Variants in ACOT9 observed in about 807,000 individuals in gnomAD.
ACOT9 encodes acyl-coenzyme A thioesterase 9, mitochondrial.
ACOT9 carries 34 observed loss-of-function variants against 39.7 expected under a neutral mutation model. That is an observed-to-expected ratio of 0.86 (90% CI 0.65 to 1.14). The LOEUF (loss-of-function observed/expected upper bound fraction) is 1.14. ACOT9 is among the 50% of genes most tolerant of loss of function. The pLI, the probability that ACOT9 is intolerant of heterozygous loss-of-function variation, is 0.00. For synonymous variants in ACOT9, 110 were observed against 120.5 expected (o/e 0.91, Z 0.57); for missense variants, 313 against 344.1 (o/e 0.91, Z 0.71).
chrX:23,740,590 T>G (rs911593444), intron 1 of ACOT9, among the ~76,000 whole-genome samples: 1 of 109,035 alleles, frequency 9.2e-6, no homozygotes, highest in Non-Finnish European at 1.9e-5. Flanking sequence ...ATTTGAAGAT[T>G]CTGATTCAAA....
At chrX:23,711,365 T>C (rs1346800411) in intron 9 of ACOT9, among the ~76,000 whole-genome samples, 1 of 111,080 alleles carries the variant, frequency 9.0e-6, no homozygotes, top group African/African-American at 3.3e-5. Context: ...TTTAAAAACA[T>C]GATACTTTTC....
rs182038685 is a variant in ACOT9 at position 23,713,637 on chromosome X, G to A, written c.589-429C>T. ...AAGAGAAGCACTCTCATTAACCACC[G>A]TCTGCTAAGGGCCTACCCTGAGCCA... On this transcript the variant is annotated intron_variant, in intron 8 of 15. Coordinates refer to ENST00000379303, the MANE Select transcript of ACOT9 (RefSeq NM_001037171.2). Among the ~76,000 whole-genome samples, 248 of 109,429 alleles carry A rather than the reference G, an allele frequency of 2.3e-3. 1 individual carries two copies. The highest frequency in any genetic ancestry group is 7.6e-3 in the African/African-American group (230 of 30,176).
Position 23,704,778 on chromosome X carries a change from T to C in ACOT9, c.1174A>G (p.Lys392Glu). 4 of 1,210,735 alleles carry C rather than the reference T, an allele frequency of 3.3e-6. No homozygotes were observed. Among genetic ancestry groups the C allele is most frequent in the Non-Finnish European group, 4.5e-6 (4 of 894,504 alleles). The change falls in exon 15 of 16, where the codon AAG (lysine) becomes GAG (glutamate). Residue 392 changes from lysine (K) to glutamate (E), a missense_variant. Coordinates refer to ENST00000379303, the MANE Select transcript of ACOT9 (RefSeq NM_001037171.2). ...AAGACATTGGTGGTTGTATGCTGCTTCTCCTGCAGGGAGGCCACTTCACTG... is the reference window on the plus strand; with the variant it reads ...AAGACATTGGTGGTTGTATGCTGCTCCTCCTGCAGGGAGGCCACTTCACTG... ...VHSEVASLQE[K>E]QHTTTNVFHF...
rs969172104 is a variant in ACOT9 at position 23,728,209 on chromosome X, G to T, written c.400+2318C>A. On this transcript the variant is annotated intron_variant, in intron 6 of 15. Transcript: ENST00000379303. ...AACCATTCAGCCCAAATATCATTAG[G>T]TGGGAGCAAGTAAGGTAACCTAGAG... Among the ~76,000 whole-genome samples the T allele has an allele frequency of 1.5e-4, 17 of 110,960 alleles. No homozygotes were observed. The Admixed American group carries it at 1.7e-3, about 11-fold the overall frequency.
At chrX:23,734,060 C>T (rs1027487519) in intron 3 of ACOT9, among the ~76,000 whole-genome samples, 1 of 111,693 alleles carries the variant, frequency 9.0e-6, no homozygotes, top group Non-Finnish European at 1.9e-5. Flanking sequence ...TGCGCCTGGC[C>T]CCCACCTATC....
At chrX:23,742,821 C>T (rs1375537850) in intron 1 of ACOT9, among the ~76,000 whole-genome samples, 1 of 112,628 alleles carries the variant, frequency 8.9e-6, no homozygotes, top group Admixed American at 9.4e-5. Context: ...ACCAACCACA[C>T]CCCGGATGAG....
chrX:23,717,532 T>C (rs1351574009), intron 8 of ACOT9, among the ~76,000 whole-genome samples: 2 of 111,072 alleles, frequency 1.8e-5, no homozygotes, highest in African/African-American at 6.5e-5. Flanking sequence ...GGAGAAAGAA[T>C]TCTGGTGAGT....
At chrX:23,730,092 ATT>A (rs34896210) in intron 6 of ACOT9, among the ~76,000 whole-genome samples, 3 of 78,491 alleles carry the variant, frequency 3.8e-5, no homozygotes, top group Admixed American at 1.7e-4. Context: ...AGTAGATGCC[ATT>A]TTTTTTTTTT....
chrX:23,715,757 G>T (rs1929053511), intron 8 of ACOT9, among the ~76,000 whole-genome samples: 1 of 111,889 alleles, frequency 8.9e-6, no homozygotes, highest in African/African-American at 3.2e-5. Context: ...TTTTCCCCCA[G>T]TTATATCCCT....
At chrX:23,732,572 T>C (rs1279242460) in intron 4 of ACOT9, among the ~76,000 whole-genome samples, 1 of 112,093 alleles carries the variant, frequency 8.9e-6, no homozygotes, top group Non-Finnish European at 1.9e-5. Flanking sequence ...AAATAAGTCA[T>C]TAGATAATTT....
In ACOT9 at chrX:23,702,884, C is replaced by T. The variant is rs1928528714; in HGVS notation, c.*1010G>A. Reference sequence around the variant, plus strand: ...TGCCTATCTAGCACATGGCAATGCTCCATAAGCATAAGCAGCTATTATTAT... The same window carrying T: ...TGCCTATCTAGCACATGGCAATGCTTCATAAGCATAAGCAGCTATTATTAT... On this transcript the variant is annotated 3_prime_UTR_variant, in exon 16 of 16. Transcript: ENST00000379303. 1 of 112,019 alleles carries T rather than the reference C, an allele frequency of 8.9e-6. No individual in the cohort carries two copies. Among genetic ancestry groups the T allele is most frequent in the African/African-American group, 3.2e-5 (1 of 30,808 alleles). 9.2% of individuals were successfully genotyped at this position (112,019 alleles called of 1,213,427 possible). A position where few individuals can be genotyped will look rare whatever the true frequency, so the allele number is the denominator to read the frequency against.
intron 9 of ACOT9, among the ~76,000 whole-genome samples, 159 bp downstream of exon 9, chrX:23,712,976 T>C (rs1475010646): frequency 8.9e-6 from 1 of 112,462 alleles, no homozygotes; most frequent in Non-Finnish European, 1.9e-5. Flanking sequence ...TGAAATGTCA[T>C]GTCTGGGATT....
chrX:23,724,206 T>C (rs1490266095), intron 6 of ACOT9, among the ~76,000 whole-genome samples: 1 of 110,609 alleles, frequency 9.0e-6, no homozygotes, highest in Non-Finnish European at 1.9e-5. Context: ...AGACTGTAGT[T>C]AGCCATGATC....
At position 23,722,716 on chromosome X, in the gene ACOT9, G is replaced by A. The variant is rs1485493076; in HGVS notation, c.438C>T (p.Ala146=). ...ICYMHNKIHS[A]KMSPLSIVTA... is the part of the protein sequence containing the mutation. ...TAACTATCGATAAAGGAGACATCTT[G>A]GCGGAGTGGATTTTGTTGTGCATGT... The change falls in exon 7 of 16, where the codon GCC becomes GCT. Residue 146 remains alanine (A), a synonymous_variant. Coordinates refer to ENST00000379303, the MANE Select transcript of ACOT9 (RefSeq NM_001037171.2). 4 of 1,205,221 alleles carry A rather than the reference G, an allele frequency of 3.3e-6. No homozygotes were observed. The highest frequency in any genetic ancestry group is 4.5e-6 in the Non-Finnish European group (4 of 890,873).
Position 23,705,708 on chromosome X carries a change from C to CT in ACOT9, c.933+59dup, listed in dbSNP as rs1277489369. The CT allele has an allele frequency of 1.2e-5, 14 of 1,138,535 alleles. No homozygotes were observed. The Admixed American group carries it at 3.1e-4, about 25-fold the overall frequency. The allele number at this position is 1,138,535 out of a possible 1,213,427, so 93.8% of individuals were successfully genotyped here. Reference sequence around the variant, plus strand: ...AGGCCAGTTTAAAGGTGTGTCAAATCTTGGACAAATATCATGAACGGAAGC... The same window carrying CT: ...AGGCCAGTTTAAAGGTGTGTCAAATCTTTGGACAAATATCATGAACGGAAGC... On this transcript the variant is annotated intron_variant, in intron 12 of 15. Transcript: ENST00000379303.
rs749610518 is a variant in ACOT9, at chrX:23,721,932, A to G, written c.537T>C (p.His179=). 1.2e-5 allele frequency: 15 copies of G among 1,209,609 alleles called. No homozygotes were observed. The East Asian group carries it at 3.9e-4, about 31-fold the overall frequency. The part of the protein sequence containing the change: ...SPEQDIKFSG[H]VSWVGKTSME... ...TGGATGTCTTCCCGACCCAGCTAAC[A>G]TGGCCACTGAACTTAATGTCCTGTT... The change falls in exon 8 of 16, where the codon CAT becomes CAC. Residue 179 remains histidine (H), a synonymous_variant. Transcript: ENST00000379303.
chrX:23,721,321 G>A lies in ACOT9; in HGVS notation c.588+560C>T, dbSNP rs766395698. Among the ~76,000 whole-genome samples, 238 of 111,147 alleles carry A rather than the reference G, an allele frequency of 2.1e-3. 1 individual carries two copies. The highest frequency in any genetic ancestry group is 7.3e-3 in the African/African-American group (225 of 30,650). ...TTGGCCAGGCTGGTCTCAAACTCCT[G>A]GCCTCAAGTGATCTGCCCACCTCAG... On this transcript the variant is annotated intron_variant, in intron 8 of 15. Coordinates refer to ENST00000379303, the MANE Select transcript of ACOT9 (RefSeq NM_001037171.2).
At position 23,701,274 on chromosome X, in the gene ACOT9, T is replaced by C. The variant is rs192495046; in HGVS notation, c.*2620A>G. On this transcript the variant is annotated 3_prime_UTR_variant, in exon 16 of 16. Coordinates refer to ENST00000379303, the MANE Select transcript of ACOT9 (RefSeq NM_001037171.2). Reference sequence around the variant, plus strand: ...CCTCCCATCATGTCATAGGTAGATATGCAAAATGCTATATTGAAGGGCCAG... The same window carrying C: ...CCTCCCATCATGTCATAGGTAGATACGCAAAATGCTATATTGAAGGGCCAG... 5.8e-4 allele frequency among the ~76,000 whole-genome samples: 65 copies of C among 111,197 alleles called. No individual in the cohort carries two copies. In the Middle Eastern group the frequency reaches 0.014, roughly 24 times the overall value.
intron 6 of ACOT9, among the ~76,000 whole-genome samples, chrX:23,729,473 C>T (rs1208953865): frequency 8.9e-6 from 1 of 111,984 alleles, no homozygotes; most frequent in Non-Finnish European, 1.9e-5. Context: ...GAGGATTAGA[C>T]AGTATGACAC....
Sources: allele counts gnomAD v4.1 joint callset (sites outside exome capture counted in the v4.1 genomes callset), GRCh38; gene constraint gnomAD v4.1.1; transcripts MANE v1.5; gene names NCBI Gene and HGNC (gene_info 2026-07-23, HGNC 2026-07-21).